Variants in N4BP2L2 observed in about 807,000 individuals in gnomAD.
The protein encoded by N4BP2L2 is NEDD4 binding protein 2 like 2.
N4BP2L2 carries 50 observed loss-of-function variants against 56.2 expected under a neutral mutation model. The ratio of observed to expected loss-of-function variants is 0.89; its 90% CI spans 0.71 to 1.13. The LOEUF (loss-of-function observed/expected upper bound fraction) is 1.13, where lower values mean the gene tolerates loss of function less well. N4BP2L2 is among the 50% of genes most tolerant of loss of function. The pLI, the probability that N4BP2L2 is intolerant of heterozygous loss-of-function variation, is 0.00. For missense variants in N4BP2L2, 689 were observed against 693.8 expected (o/e 0.99, Z 0.08); for synonymous variants, 203 against 223.6 (o/e 0.91, Z 0.82).
chr13:32,526,829 T>G (rs1239694723), intron 3 of N4BP2L2: 3 of 139,444 alleles, frequency 2.2e-5, no homozygotes, highest in African/African-American at 2.8e-5. Context: ...TTTTTTTTTT[T>G]TTTTTTTTTT....
intron 6 of N4BP2L2, chr13:32,477,831 C>G: frequency 7.9e-7 from 1 of 1,268,506 alleles, no homozygotes; most frequent in Non-Finnish European, 1.0e-6. Context: ...GGATTATTGG[C>G]ATAGTTGTTT....
intron 6 of N4BP2L2, among the ~76,000 whole-genome samples, chr13:32,460,141 A>G (rs1047032852): frequency 6.6e-6 from 1 of 152,178 alleles, no homozygotes; most frequent in Admixed American, 6.5e-5. Flanking sequence ...AACTGGGCAC[A>G]GAAGGAACAT....
At chr13:32,452,312 C>T (rs760957370) in intron 6 of N4BP2L2, among the ~76,000 whole-genome samples, 4 of 152,078 alleles carry the variant, frequency 2.6e-5, no homozygotes, top group Admixed American at 1.3e-4. Flanking sequence ...CCGCCTGCCT[C>T]GGCCTCCCAA....
exon 6 of N4BP2L2, chr13:32,513,848 C>T (rs2048644897): frequency 6.6e-6 from 1 of 152,136 alleles, no homozygotes; most frequent in Admixed American, 6.5e-5. Context: ...ACTAGCAAGC[C>T]TATCTGGCCA....
intron 6 of N4BP2L2, among the ~76,000 whole-genome samples, chr13:32,481,348 C>T (rs907862449): frequency 1.3e-5 from 2 of 152,078 alleles, no homozygotes; most frequent in Non-Finnish European, 2.9e-5. Flanking sequence ...GCAATGGCTC[C>T]TAAACTCTTC....
At chr13:32,510,992 C>G in exon 6 of N4BP2L2, 1 of 151,220 alleles carries the variant, frequency 6.6e-6, no homozygotes, top group East Asian at 1.9e-4. Flanking sequence ...AAAAAGATAA[C>G]TATGTGGTTA....
At chr13:32,443,605 T>G in exon 7 of N4BP2L2, 1 of 1,612,106 alleles carries the variant, frequency 6.2e-7, no homozygotes, top group Non-Finnish European at 8.5e-7. Flanking sequence ...CGCAGAAAGG[T>G]CCTGGGTGTC....
chr13:32,517,939 T>TTTGATATTCA lies in N4BP2L2; in HGVS notation c.1605_1614dup (p.Met539Ter). On this transcript the variant is annotated stop_gained and frameshift_variant, in exon 6 of 6. Transcript: ENST00000267068. LOFTEE classifies it high-confidence loss of function. ...GAATTCATTACAATAGAAATGGACA[T>TTTGATATTCA]TTGATATTCATAACGATCCAACATC... 1 of 1,614,100 alleles carries TTTGATATTCA rather than the reference T, an allele frequency of 6.2e-7. No homozygotes were observed.
chr13:32,509,119 G>A (rs764375605), downstream of N4BP2L2: 2 of 152,050 alleles, frequency 1.3e-5, no homozygotes, highest in Non-Finnish European at 2.9e-5. Context: ...CTGGTGGTCT[G>A]GAAATCCTTT....
chr13:32,453,276 A>T (rs1420165021), intron 6 of N4BP2L2, among the ~76,000 whole-genome samples: 2 of 152,154 alleles, frequency 1.3e-5, no homozygotes, highest in South Asian at 2.1e-4. Flanking sequence ...AAAGTCAACT[A>T]ATGAGTGATG....
intron 6 of N4BP2L2, among the ~76,000 whole-genome samples, chr13:32,482,546 A>C (rs562844152): frequency 5.5e-5 from 8 of 146,398 alleles, no homozygotes; most frequent in Non-Finnish European, 1.1e-4. Context: ...TTGTATTTTT[A>C]GTAGAGACAG....
intron 6 of N4BP2L2, among the ~76,000 whole-genome samples, chr13:32,496,641 C>T (rs1363094515): frequency 6.6e-6 from 1 of 152,130 alleles, no homozygotes; most frequent in African/African-American, 2.4e-5. Flanking sequence ...CTGGAATAAG[C>T]CATTCCTAAT....
At chr13:32,538,772 C>T (rs1343978482) in exon 1 of N4BP2L2, 15 of 985,338 alleles carry the variant, frequency 1.5e-5, no homozygotes, top group Non-Finnish European at 1.8e-5. Context: ...CGGTAACAAA[C>T]CTCACCTCCG....
exon 6 of N4BP2L2, chr13:32,510,352 T>C (rs1431147931): frequency 2.0e-5 from 3 of 152,054 alleles, no homozygotes; most frequent in Non-Finnish European, 4.4e-5. Flanking sequence ...AATAATAAAA[T>C]ATTAAAATTA....
chr13:32,443,225 A>G (rs1185190219), exon 7 of N4BP2L2: 5 of 1,613,774 alleles, frequency 3.1e-6, no homozygotes, highest in East Asian at 4.5e-5. Context: ...TTGTCTGTCA[A>G]TATTTCTGGA....
At chr13:32,508,688 CATGTAAAG>C (rs2091329036), downstream of N4BP2L2, 1 of 152,056 alleles carries the variant, frequency 6.6e-6, no homozygotes, top group African/African-American at 2.4e-5. Context: ...AACGAAAAAT[CATGTAAAG>C]ATATCCATCA....
At chr13:32,462,119 ATATCAAAGG>A (rs1472332380) in intron 6 of N4BP2L2, among the ~76,000 whole-genome samples, 26 of 150,850 alleles carry the variant, frequency 1.7e-4, no homozygotes, top group African/African-American at 6.3e-4. Flanking sequence ...GGAAATCATT[ATATCAAAGG>A]GATACATGCA....
At chr13:32,521,658 A>G (rs2050953718) in intron 4 of N4BP2L2, 2 of 470,934 alleles carry the variant, frequency 4.2e-6, no homozygotes, top group Non-Finnish European at 7.5e-6. Context: ...TAATTCCTTA[A>G]GATTACTATC....
intron 6 of N4BP2L2, among the ~76,000 whole-genome samples, chr13:32,481,140 A>AC (rs2084642115): frequency 6.6e-6 from 1 of 150,934 alleles, no homozygotes; most frequent in Non-Finnish European, 1.5e-5. Flanking sequence ...AAAAAAAAAA[A>AC]AAAAAAAAGG....
Sources: allele counts gnomAD v4.1 joint callset (sites outside exome capture counted in the v4.1 genomes callset), GRCh38; gene constraint gnomAD v4.1.1; transcripts MANE v1.5; gene names NCBI Gene and HGNC (gene_info 2026-07-23, HGNC 2026-07-21).